The following SYBU variants were observed in gnomAD, a reference collection of about 807,000 sequenced individuals.
SYBU encodes the protein syntabulin.
SYBU carries 21 observed loss-of-function variants against 35.9 expected under a neutral mutation model. The ratio of observed to expected loss-of-function variants is 0.58; its 90% CI spans 0.41 to 0.84. The LOEUF is 0.84. Ranked by LOEUF, SYBU falls within the 40% of genes least tolerant of loss-of-function variation. SYBU has a pLI of 0.00. For missense variants in SYBU, 768 were observed against 848.2 expected (o/e 0.91, Z 1.17); for synonymous variants, 319 against 324.3 (o/e 0.98, Z 0.18).
intron 6 of SYBU, 126 bp from the exon 7 acceptor site, chr8:109,576,139 G>A: frequency 8.5e-7 from 1 of 1,177,204 alleles, no homozygotes; most frequent in Non-Finnish European, 1.1e-6. Flanking sequence ...TCTTCCACTT[G>A]AAATACAGAT....
chr8:109,644,997 C>A (rs1013632781), upstream of SYBU: 4 of 493,356 alleles, frequency 8.1e-6, no homozygotes, highest in South Asian at 3.9e-5. Flanking sequence ...CGCGCCCCCC[C>A]AGCCAGAGCC....
intron 2 of SYBU, among the ~76,000 whole-genome samples, chr8:109,629,714 C>T (rs1205128573): frequency 4.0e-5 from 6 of 151,844 alleles, no homozygotes; most frequent in Non-Finnish European, 7.4e-5. Context: ...CCTGAGGAAT[C>T]GCCACACTGA....
intron 5 of SYBU, among the ~76,000 whole-genome samples, chr8:109,578,823 T>G (rs1157863926): frequency 6.6e-6 from 1 of 152,184 alleles, no homozygotes; most frequent in Non-Finnish European, 1.5e-5. Flanking sequence ...CTGATGGCTA[T>G]TTGCTGAATG....
intron 3 of SYBU, among the ~76,000 whole-genome samples, chr8:109,590,441 A>G (rs1824092678): frequency 6.6e-6 from 1 of 151,948 alleles, no homozygotes; most frequent in African/African-American, 2.4e-5. Context: ...GAATAAAAGT[A>G]TTCTTGAAAA....
At chr8:109,627,833 A>C (rs565772171) in intron 2 of SYBU, among the ~76,000 whole-genome samples, 1 of 152,360 alleles carries the variant, frequency 6.6e-6, no homozygotes, top group Non-Finnish European at 1.5e-5. Flanking sequence ...TTCCTGCCTC[A>C]ACACATGTAG....
intron 2 of SYBU, among the ~76,000 whole-genome samples, chr8:109,640,968 G>A (rs1814807616): frequency 6.6e-6 from 1 of 152,044 alleles, no homozygotes; most frequent in African/African-American, 2.4e-5. Context: ...TAAATGCAGT[G>A]GAATGTTAGG....
chr8:109,609,844 G>A (rs2703391), intron 3 of SYBU, among the ~76,000 whole-genome samples: 50,596 of 151,920 alleles, frequency 0.33, 10,089 homozygotes, highest in African/African-American at 0.55. Flanking sequence ...GTCTCCCTAT[G>A]CTTTTCTGTA....
intron 2 of SYBU, among the ~76,000 whole-genome samples, chr8:109,628,500 T>TTTTTTC (rs1211684653): frequency 1.3e-5 from 2 of 152,082 alleles, no homozygotes; most frequent in Non-Finnish European, 1.5e-5. Context: ...AGCTGGCTAA[T>TTTTTTC]TTTTTCTTTT....
At chr8:109,607,917 G>A (rs1586815355) in intron 3 of SYBU, 5 of 1,513,686 alleles carry the variant, frequency 3.3e-6, no homozygotes, top group Non-Finnish European at 4.4e-6. Context: ...TTACTTAGAA[G>A]GTAAGCTCCA....
At chr8:109,592,989 A>G (rs1824455414) in intron 3 of SYBU, among the ~76,000 whole-genome samples, 2 of 152,194 alleles carry the variant, frequency 1.3e-5, no homozygotes, top group Admixed American at 1.3e-4. Flanking sequence ...ATAAATACGA[A>G]TCTTAAAATT....
intron 3 of SYBU, 106 bp downstream of exon 3, chr8:109,618,736 T>A: frequency 9.9e-7 from 1 of 1,011,742 alleles, no homozygotes; most frequent in South Asian, 1.4e-5. Flanking sequence ...AGATGCTGGG[T>A]ACGGTATTTG....
intron 3 of SYBU, among the ~76,000 whole-genome samples, chr8:109,611,335 G>A (rs1391627888): frequency 6.6e-6 from 1 of 152,124 alleles, no homozygotes. Flanking sequence ...AATTCTTAGG[G>A]AAAAACCATT....
chr8:109,684,559 T>C (rs10088054), upstream of SYBU, among the ~76,000 whole-genome samples: 13,481 of 152,220 alleles, frequency 0.089, 679 homozygotes, highest in East Asian at 0.12. Flanking sequence ...TAGCTCAGGG[T>C]GTTTGATATT....
At chr8:109,657,706 G>A (rs1290617347) in intron 1 of SYBU, among the ~76,000 whole-genome samples, 1 of 152,162 alleles carries the variant, frequency 6.6e-6, no homozygotes, top group African/African-American at 2.4e-5. Flanking sequence ...AGCTGTGTGA[G>A]GCTTTTCAAT....
intron 1 of SYBU, among the ~76,000 whole-genome samples, chr8:109,661,348 A>G (rs1816554228): frequency 1.3e-5 from 2 of 152,216 alleles, no homozygotes; most frequent in African/African-American, 4.8e-5. Flanking sequence ...TAAAAAAATT[A>G]TGATGTTTAA....
chr8:109,597,611 G>C (rs886671402), intron 3 of SYBU, among the ~76,000 whole-genome samples: 1 of 151,958 alleles, frequency 6.6e-6, no homozygotes, highest in Non-Finnish European at 1.5e-5. Flanking sequence ...CTACTCAGGT[G>C]ACTGAGGTGG....
chr8:109,586,038 C>A, intron 4 of SYBU, 22 bp downstream of exon 4: 1 of 1,578,910 alleles, frequency 6.3e-7, no homozygotes, highest in Non-Finnish European at 8.7e-7. Flanking sequence ...GTCTTAATTA[C>A]AGAGCAGGAG....
chr8:109,583,171 A>G (rs1823232439), intron 4 of SYBU, among the ~76,000 whole-genome samples: 1 of 152,196 alleles, frequency 6.6e-6, no homozygotes, highest in African/African-American at 2.4e-5. Context: ...ACCACCTTTT[A>G]CCAACGCTTT....
chr8:109,580,332 A>T (rs935041098), intron 4 of SYBU: 2 of 223,176 alleles, frequency 9.0e-6, no homozygotes, highest in Non-Finnish European at 1.8e-5. Flanking sequence ...GAGGCTGTTT[A>T]TTTTGGAGGC....
Sources: gnomAD v4.1 joint callset for allele counts (sites outside exome capture counted in the v4.1 genomes callset) on GRCh38, gnomAD v4.1.1 for gene constraint, MANE v1.5 for transcripts, NCBI Gene and HGNC (gene_info 2026-07-23, HGNC 2026-07-21) for gene names.